Variants in FBXL4 observed in about 807,000 individuals in gnomAD.
FBXL4 encodes F-box and leucine rich repeat protein 4, also known as F-box/LRR-repeat protein 4.
A neutral mutation model predicts 58.9 loss-of-function variants in FBXL4; 40 were observed. The ratio of observed to expected loss-of-function variants is 0.68; its 90% CI spans 0.53 to 0.88. The LOEUF (loss-of-function observed/expected upper bound fraction) is 0.88. FBXL4 is among the 40% of genes least tolerant of loss of function. The pLI, the probability that FBXL4 is intolerant of heterozygous loss-of-function variation, is 0.00. For missense variants in FBXL4, 676 were observed against 734.4 expected, an observed-to-expected ratio of 0.92 and a Z score of 0.92; for synonymous variants, 263 against 265.5, an observed-to-expected ratio of 0.99 and a Z score of 0.09.
chr6:98,893,355 G>A (rs773307097), intron 7 of FBXL4, among the ~76,000 whole-genome samples: 3 of 152,158 alleles, frequency 2.0e-5, no homozygotes, highest in Non-Finnish European at 2.9e-5. Flanking sequence ...TGTCAACAGA[G>A]TTGGTTTCCT....
In FBXL4 at chr6:98,873,657, G is replaced by T. The variant is rs1237236184; in HGVS notation, c.*621C>A. ...TGGCTGCTCACAGGTGCAATCATAA[G>T]TACACTAGAGTCTCAAAATCCCATC... On this transcript the variant is annotated 3_prime_UTR_variant, in exon 10 of 10. Coordinates refer to ENST00000369244, the MANE Select transcript of FBXL4 (RefSeq NM_001278716.2). 6.6e-6 allele frequency: 1 copy of T among 152,084 alleles called. No homozygotes were observed. The highest frequency in any genetic ancestry group is 1.5e-5 in the Non-Finnish European group (1 of 68,028). 9.4% of individuals were successfully genotyped at this position (152,084 alleles called of 1,614,324 possible).
intron 2 of FBXL4, among the ~76,000 whole-genome samples, chr6:98,931,842 A>AT (rs1367407420): frequency 1.3e-5 from 2 of 152,192 alleles, no homozygotes; most frequent in African/African-American, 4.8e-5. Flanking sequence ...GAATGGAGCC[A>AT]TTGTCTCAGG....
Position 98,905,568 on chromosome 6 carries a change from T to A in FBXL4, c.961A>T (p.Ile321Phe), listed in dbSNP as rs765148228. The A allele has an allele frequency of 1.2e-6, 2 of 1,613,898 alleles. No individual in the cohort carries two copies. Among genetic ancestry groups the A allele is most frequent in the Non-Finnish European group, 1.7e-6 (2 of 1,179,962 alleles). ...CAGTATGGTTGCAGATTGAGGTGGA[T>A]GTATTGCAGAGGATCACAGCAATGC... ...SQHCCDPLQYIHLNLQPYWAK... is the reference protein window; with the variant it reads ...SQHCCDPLQYFHLNLQPYWAK... The change falls in exon 6 of 10, where the codon ATC becomes TTC. Residue 321 changes from isoleucine to phenylalanine, a missense_variant. Physicochemically the swap from Ile to Phe is conservative, Grantham distance 21. Coordinates refer to ENST00000369244, the MANE Select transcript of FBXL4 (RefSeq NM_001278716.2).
intron 7 of FBXL4, among the ~76,000 whole-genome samples, chr6:98,895,377 TA>T (rs1470132323): frequency 6.6e-6 from 1 of 152,238 alleles, no homozygotes; most frequent in African/African-American, 2.4e-5. Context: ...GTCTGTATTT[TA>T]TCATGGATTA....
At chr6:98,918,009 T>C (rs1227688128) in intron 4 of FBXL4, among the ~76,000 whole-genome samples, 1 of 152,154 alleles carries the variant, frequency 6.6e-6, no homozygotes, top group East Asian at 1.9e-4. Flanking sequence ...ACATTACAGT[T>C]TACAAGATAA....
chr6:98,937,364 C>T (rs1433274405), intron 1 of FBXL4, among the ~76,000 whole-genome samples: 2 of 151,774 alleles, frequency 1.3e-5, no homozygotes, highest in East Asian at 1.9e-4. Flanking sequence ...AGGCTACTGT[C>T]GACCAGAAGG....
Position 98,921,894 on chromosome 6 carries a change from T to C in FBXL4, c.513-4175A>G, listed in dbSNP as rs147691461. 2.0e-5 allele frequency among the ~76,000 whole-genome samples: 3 copies of C among 152,290 alleles called. No individual in the cohort carries two copies. The East Asian group carries it at 5.8e-4, about 29-fold the overall frequency. On this transcript the variant is annotated intron_variant, in intron 4 of 9. Transcript: ENST00000369244. Reference sequence around the variant, plus strand: ...CTATTTGTCATCTTCTTCTTCCCCGTTTCCTTGTCTCTCTCTTCCAAATGG... The same window carrying C: ...CTATTTGTCATCTTCTTCTTCCCCGCTTCCTTGTCTCTCTCTTCCAAATGG...
At chr6:98,923,714 C>G (rs915482093) in intron 4 of FBXL4, among the ~76,000 whole-genome samples, 1 of 152,154 alleles carries the variant, frequency 6.6e-6, no homozygotes, top group African/African-American at 2.4e-5. Flanking sequence ...GTCTGACTCT[C>G]TACTTGGTTC....
intron 1 of FBXL4, among the ~76,000 whole-genome samples, chr6:98,939,568 T>A (rs947253731): frequency 5.3e-5 from 8 of 152,338 alleles, no homozygotes; most frequent in African/African-American, 1.9e-4. Flanking sequence ...GCTACATAAA[T>A]TCTCTTTTCT....
At chr6:98,913,568 G>C (rs948363050) in intron 5 of FBXL4, among the ~76,000 whole-genome samples, 3 of 152,230 alleles carry the variant, frequency 2.0e-5, no homozygotes, top group African/African-American at 7.2e-5. Flanking sequence ...AATGACTACT[G>C]GGTACATAAC....
intron 5 of FBXL4, among the ~76,000 whole-genome samples, chr6:98,911,884 C>T (rs1772090541): frequency 6.6e-6 from 1 of 152,048 alleles, no homozygotes; most frequent in African/African-American, 2.4e-5. Flanking sequence ...CTCCGAGCTA[C>T]AGGAGGAAAT....
chr6:98,881,111 T>C (rs753125358), intron 7 of FBXL4, among the ~76,000 whole-genome samples: 6 of 152,162 alleles, frequency 3.9e-5, no homozygotes, highest in Non-Finnish European at 7.3e-5. Context: ...CAAATCAGGA[T>C]TGAGCTGGTG....
intron 5 of FBXL4, among the ~76,000 whole-genome samples, chr6:98,914,955 A>G (rs1169181458): frequency 1.3e-5 from 2 of 152,244 alleles, no homozygotes. Context: ...TAAGCTGATA[A>G]GCAACTTCAG....
intron 4 of FBXL4, among the ~76,000 whole-genome samples, chr6:98,918,712 C>T (rs886860770): frequency 6.6e-6 from 1 of 151,838 alleles, no homozygotes; most frequent in African/African-American, 2.4e-5. Flanking sequence ...TTTACTTTTG[C>T]TAGTAAAATT....
intron 7 of FBXL4, among the ~76,000 whole-genome samples, chr6:98,891,018 T>A (rs1321741424): frequency 1.3e-5 from 2 of 152,216 alleles, no homozygotes; most frequent in African/African-American, 4.8e-5. Context: ...CATTTTAGAA[T>A]ATTTAAATCC....
intron 1 of FBXL4, among the ~76,000 whole-genome samples, chr6:98,938,841 G>C (rs1773320699): frequency 6.6e-6 from 1 of 151,856 alleles, no homozygotes; most frequent in Non-Finnish European, 1.5e-5. Context: ...CCAGTACTTT[G>C]GGAGGCCAAG....
intron 7 of FBXL4, among the ~76,000 whole-genome samples, chr6:98,888,207 G>A (rs1026559620): frequency 6.6e-6 from 1 of 152,176 alleles, no homozygotes; most frequent in African/African-American, 2.4e-5. Flanking sequence ...CCAGCCTACT[G>A]CCTGTTTTTG....
At chr6:98,937,020 C>A (rs555287801) in intron 1 of FBXL4, among the ~76,000 whole-genome samples, 13 of 152,148 alleles carry the variant, frequency 8.5e-5, no homozygotes, top group African/African-American at 3.1e-4. Flanking sequence ...GTAAAAAAAT[C>A]TGAATATAGG....
intron 6 of FBXL4, among the ~76,000 whole-genome samples, chr6:98,900,392 G>C (rs929730574): frequency 5.1e-4 from 77 of 152,128 alleles, no homozygotes; most frequent in Non-Finnish European, 1.5e-4. Flanking sequence ...ATTCCTAAAT[G>C]ATTTAATGAG....
Sources: gnomAD v4.1 joint callset for allele counts (sites outside exome capture counted in the v4.1 genomes callset) on GRCh38, gnomAD v4.1.1 for gene constraint, MANE v1.5 for transcripts, NCBI Gene and HGNC (gene_info 2026-07-23, HGNC 2026-07-21) for gene names.